The following SORL1 variants were observed in gnomAD, a reference collection of about 807,000 sequenced individuals.
The protein encoded by SORL1 is sortilin-related receptor.
A neutral mutation model predicts 273.7 loss-of-function variants in SORL1; 127 were observed. That is an observed-to-expected ratio of 0.46 (90% CI 0.40 to 0.54). SORL1 has a LOEUF of 0.54. Among genes scored for constraint, SORL1 ranks in the 20% least tolerant of loss-of-function variants. The probability of loss-of-function intolerance (pLI) is 0.00; values close to 1 mark genes in which losing one functional copy is unlikely to be tolerated. For missense variants in SORL1, 2,494 were observed against 2,846.1 expected, an observed-to-expected ratio of 0.88 and a Z score of 2.81; for synonymous variants, 1,031 against 1,067.4, an observed-to-expected ratio of 0.97 and a Z score of 0.66.
chr11:121,471,277 A>G (rs1861162973), intron 2 of SORL1, among the ~76,000 whole-genome samples: 1 of 152,184 alleles, frequency 6.6e-6, no homozygotes, highest in South Asian at 2.1e-4. Flanking sequence ...CAGTGTTGCC[A>G]CATCTTCTGG....
Position 121,612,808 on chromosome 11 carries a change from C to A in SORL1, c.5395C>A (p.Arg1799=). 1 of 1,613,664 alleles carries A rather than the reference C, an allele frequency of 6.2e-7. No homozygotes were observed. Among genetic ancestry groups the A allele is most frequent in the South Asian group, 1.1e-5 (1 of 91,056 alleles). ...GCAAGAGAGGAGAACTTTGAACTTCCGAGGAAGCATATTGTCACACAAAGG... is the reference window on the plus strand; with the variant it reads ...GCAAGAGAGGAGAACTTTGAACTTCAGAGGAAGCATATTGTCACACAAAGG... ...HKQERRTLNF[R]GSILSHKVGN... Residue 1799 remains arginine, a synonymous_variant, in exon 40 of 48, where the codon CGA becomes AGA. Coordinates refer to ENST00000260197, the MANE Select transcript of SORL1 (RefSeq NM_003105.6).
intron 21 of SORL1, among the ~76,000 whole-genome samples, chr11:121,561,760 G>T (rs1026421785): frequency 6.6e-6 from 1 of 150,974 alleles, no homozygotes; most frequent in South Asian, 2.1e-4. Flanking sequence ...ACCTGTGCAT[G>T]GGCGGCTGTG....
At chr11:121,545,966 T>A (rs1862420049) in intron 14 of SORL1, among the ~76,000 whole-genome samples, 1 of 152,228 alleles carries the variant, frequency 6.6e-6, no homozygotes, top group Non-Finnish European at 1.5e-5. Flanking sequence ...GAGGAACTGG[T>A]ACTTTTATTG....
At chr11:121,526,571 T>C (rs1208965838) in intron 11 of SORL1, among the ~76,000 whole-genome samples, 1 of 152,208 alleles carries the variant, frequency 6.6e-6, no homozygotes, top group Admixed American at 6.5e-5. Context: ...GTTAATACTA[T>C]TGAGTCTTCT....
chr11:121,522,947 A>T lies in SORL1; in HGVS notation c.1554A>T (p.Thr518=). ...GSVGKNLASK[T]NVYISSSAGA... ...TGGGAAAGAACTTGGCTAGCAAGAC[A>T]AACGTGTACATCTCTAGCAGTGCTG... Residue 518 remains threonine (T), a synonymous_variant, in exon 11 of 48, where the codon ACA becomes ACT. Coordinates refer to ENST00000260197, the MANE Select transcript of SORL1 (RefSeq NM_003105.6). 2 of 1,614,032 alleles carry T rather than the reference A, an allele frequency of 1.2e-6. No individual in the cohort carries two copies. Among genetic ancestry groups the T allele is most frequent in the Non-Finnish European group, 1.7e-6 (2 of 1,179,878 alleles).
At chr11:121,586,357 C>T (rs751822193) in intron 27 of SORL1, 28 bp downstream of exon 27, 4 of 1,516,438 alleles carry the variant, frequency 2.6e-6, no homozygotes, top group Non-Finnish European at 3.7e-6. Context: ...CCCCAGGAAG[C>T]ACTCAGGCCT....
At chr11:121,584,823 G>A (rs1863070028) in intron 26 of SORL1, among the ~76,000 whole-genome samples, 1 of 152,130 alleles carries the variant, frequency 6.6e-6, no homozygotes, top group Non-Finnish European at 1.5e-5. Flanking sequence ...CAAACTCCTG[G>A]GTTCAAGTGA....
intron 12 of SORL1, 60 bp downstream of exon 12, chr11:121,532,612 G>T: frequency 7.3e-7 from 1 of 1,366,352 alleles, no homozygotes; most frequent in South Asian, 1.2e-5. Context: ...TTACGTCTGT[G>T]ATTATAATTG....
chr11:121,559,422 T>A (rs1202749128), intron 20 of SORL1, 97 bp from the exon 21 acceptor site: 1 of 1,270,122 alleles, frequency 7.9e-7, no homozygotes, highest in African/African-American at 1.5e-5. Flanking sequence ...AGCCAATAAA[T>A]GTTAGTTGTC....
chr11:121,506,244 CTAT>C (rs1374150718), intron 6 of SORL1, among the ~76,000 whole-genome samples: 1 of 152,016 alleles, frequency 6.6e-6, no homozygotes, highest in East Asian at 1.9e-4. Context: ...TCTATTTTGC[CTAT>C]TATTATAGCT....
chr11:121,556,258 G>A (rs916947249), intron 18 of SORL1, among the ~76,000 whole-genome samples: 5 of 152,218 alleles, frequency 3.3e-5, no homozygotes, highest in African/African-American at 1.2e-4. Flanking sequence ...AGTGGAGGAA[G>A]CAAAATAATA....
At chr11:121,475,162 C>T (rs1002175175) in intron 2 of SORL1, among the ~76,000 whole-genome samples, 2 of 152,214 alleles carry the variant, frequency 1.3e-5, no homozygotes, top group Middle Eastern at 3.4e-3. Context: ...GTGGGAGGAT[C>T]GCTTGAACCT....
chr11:121,464,460 C>T (rs1045738926), intron 1 of SORL1, among the ~76,000 whole-genome samples: 2 of 152,184 alleles, frequency 1.3e-5, no homozygotes, highest in East Asian at 1.9e-4. Context: ...CTACTTCATC[C>T]GCAAGTGAAC....
At chr11:121,482,939 C>T (rs1380703334) in intron 3 of SORL1, among the ~76,000 whole-genome samples, 2 of 152,226 alleles carry the variant, frequency 1.3e-5, no homozygotes, top group Non-Finnish European at 1.5e-5. Flanking sequence ...TCTATTTCTG[C>T]ATTAGCCAGC....
At chr11:121,574,089 A>T in intron 23 of SORL1, 152 bp from the exon 24 acceptor site, 1 of 709,406 alleles carries the variant, frequency 1.4e-6, no homozygotes, top group Middle Eastern at 4.2e-4. Context: ...CTCTCATGTA[A>T]TTTATGTCTT....
At chr11:121,548,330 A>T (rs968312147) in intron 14 of SORL1, among the ~76,000 whole-genome samples, 1 of 152,224 alleles carries the variant, frequency 6.6e-6, no homozygotes, top group Non-Finnish European at 1.5e-5. Flanking sequence ...GGAGGCAAAT[A>T]AGTAATTAGC....
At chr11:121,507,728 A>G (rs1325089948) in intron 6 of SORL1, among the ~76,000 whole-genome samples, 1 of 152,046 alleles carries the variant, frequency 6.6e-6, no homozygotes, top group Non-Finnish European at 1.5e-5. Context: ...CATATTTATA[A>G]TAGCTTATTT....
chr11:121,578,354 T>C (rs189218919), intron 25 of SORL1, among the ~76,000 whole-genome samples: 10 of 152,372 alleles, frequency 6.6e-5, no homozygotes, highest in African/African-American at 9.6e-5. Flanking sequence ...TTGTGAATTA[T>C]TGGACTTTTA....
chr11:121,469,296 C>T (rs576125287), intron 1 of SORL1, among the ~76,000 whole-genome samples: 3 of 152,300 alleles, frequency 2.0e-5, no homozygotes, highest in African/African-American at 7.2e-5. Context: ...CCAGAGTCTG[C>T]GGTGTCCTCA....
Sources: allele counts gnomAD v4.1 joint callset (sites outside exome capture counted in the v4.1 genomes callset), GRCh38; gene constraint gnomAD v4.1.1; transcripts MANE v1.5; gene names NCBI Gene and HGNC (gene_info 2026-07-23, HGNC 2026-07-21).